The following MYZAP variants were observed in gnomAD, a reference collection of about 807,000 sequenced individuals.
MYZAP encodes myocardial zonula adherens protein.
MYZAP carries 66 observed loss-of-function variants against 69.4 expected under a neutral mutation model. The ratio of observed to expected loss-of-function variants is 0.95; its 90% confidence interval spans 0.78 to 1.17. The LOEUF (loss-of-function observed/expected upper bound fraction) is 1.17, where lower values mean the gene tolerates loss of function less well. Among genes scored for constraint, MYZAP ranks in the 50% most tolerant of loss-of-function variants. The pLI is 0.00. For synonymous variants in MYZAP, 256 were observed against 205.9 expected (o/e 1.24, Z -2.09); for missense variants, 611 against 556.2 (o/e 1.10, Z -0.99).
intron 11 of MYZAP, among the ~76,000 whole-genome samples, chr15:57,662,486 C>T (rs1260555747): frequency 2.0e-5 from 3 of 152,152 alleles, no homozygotes; most frequent in Non-Finnish European, 2.9e-5. Context: ...AGTGTGAACC[C>T]TGGATCTGCT....
chr15:57,677,223 G>A (rs1210492253), intron 12 of MYZAP, among the ~76,000 whole-genome samples: 2 of 152,212 alleles, frequency 1.3e-5, no homozygotes, highest in Admixed American at 6.5e-5. Context: ...CGGCTGGACC[G>A]TGGGACCCTT....
At chr15:57,596,082 G>A (rs532356405) in intron 1 of MYZAP, among the ~76,000 whole-genome samples, 42 of 152,326 alleles carry the variant, frequency 2.8e-4, no homozygotes, top group South Asian at 1.5e-3. Context: ...TTTGATAGAG[G>A]ATGAACAGAC....
intron 1 of MYZAP, 140 bp downstream of exon 1, chr15:57,592,249 T>C: frequency 1.3e-6 from 1 of 768,072 alleles, no homozygotes; most frequent in Non-Finnish European, 1.8e-6. Context: ...CCCGGTCCTG[T>C]GCCGGCTCTG....
intron 11 of MYZAP, among the ~76,000 whole-genome samples, chr15:57,666,812 AT>A (rs1482552481): frequency 2.0e-5 from 3 of 152,132 alleles, no homozygotes; most frequent in Non-Finnish European, 2.9e-5. Flanking sequence ...GTGCCCTCTG[AT>A]TCTAAAATAA....
In MYZAP at chr15:57,677,999, T is replaced by G. The variant is rs572197696; in HGVS notation, c.1304+2931T>G. 3.3e-4 allele frequency among the ~76,000 whole-genome samples: 46 copies of G among 140,618 alleles called. 3 individuals are homozygous for G. In the South Asian group the frequency reaches 9.6e-3, roughly 29 times the overall value. 92.3% of individuals were successfully genotyped at this position (140,618 alleles called of 152,430 possible). A position where few individuals can be genotyped will look rare whatever the true frequency, so the allele number is the denominator to read the frequency against. ...CGGGAGGATCCCTTGAAGCTAGGAGTTCAAGACCAGCCTAAGCCACATAGC... is the reference window on the plus strand; with the variant it reads ...CGGGAGGATCCCTTGAAGCTAGGAGGTCAAGACCAGCCTAAGCCACATAGC... On this transcript the variant is annotated intron_variant, in intron 12 of 12. Coordinates refer to ENST00000267853, the MANE Select transcript of MYZAP (RefSeq NM_001018100.5).
chr15:57,607,067 T>A (rs2034799519), intron 2 of MYZAP, among the ~76,000 whole-genome samples: 1 of 152,220 alleles, frequency 6.6e-6, no homozygotes. Context: ...AATGGCTTGG[T>A]CCAAGACATG....
At chr15:57,616,601 T>A (rs2932202) in intron 2 of MYZAP, among the ~76,000 whole-genome samples, 151,983 of 152,108 alleles carry the variant, frequency 1, 75,929 homozygotes, top group Middle Eastern at 1. Flanking sequence ...GCGCCGCTGC[T>A]CTCCAACCTG....
chr15:57,682,673 G>C (rs2039503202), intron 12 of MYZAP, among the ~76,000 whole-genome samples: 1 of 152,102 alleles, frequency 6.6e-6, no homozygotes, highest in Non-Finnish European at 1.5e-5. Flanking sequence ...GAACTCCTTA[G>C]CCAGGGACAT....
chr15:57,597,145 C>A (rs1174642381), intron 1 of MYZAP, among the ~76,000 whole-genome samples: 1 of 152,166 alleles, frequency 6.6e-6, no homozygotes, highest in Non-Finnish European at 1.5e-5. Flanking sequence ...CATGGGAATG[C>A]TGGCCCAGGT....
At chr15:57,635,172 C>G (rs1419611963) in intron 8 of MYZAP, among the ~76,000 whole-genome samples, 6 of 152,168 alleles carry the variant, frequency 3.9e-5, no homozygotes, top group African/African-American at 1.4e-4. Flanking sequence ...TTTGCACTTA[C>G]TTGGTTTTTC....
intron 1 of MYZAP, among the ~76,000 whole-genome samples, chr15:57,593,082 T>C (rs1595839562): frequency 1.3e-5 from 2 of 151,940 alleles, no homozygotes; most frequent in African/African-American, 4.8e-5. Flanking sequence ...GCTGTCTTTC[T>C]TAGCTCTAGA....
At chr15:57,625,402 C>T (rs1238233566) in intron 4 of MYZAP, among the ~76,000 whole-genome samples, 5 of 152,190 alleles carry the variant, frequency 3.3e-5, no homozygotes, top group Non-Finnish European at 7.3e-5. Flanking sequence ...TCCATGGTGA[C>T]TACAAAGAAC....
intron 2 of MYZAP, among the ~76,000 whole-genome samples, chr15:57,613,827 T>A (rs1244274074): frequency 6.6e-6 from 1 of 152,178 alleles, no homozygotes; most frequent in African/African-American, 2.4e-5. Flanking sequence ...AGGAAATAAA[T>A]ATACATCATC....
At chr15:57,593,627 A>G (rs2033867306) in intron 1 of MYZAP, among the ~76,000 whole-genome samples, 1 of 152,200 alleles carries the variant, frequency 6.6e-6, no homozygotes, top group Non-Finnish European at 1.5e-5. Flanking sequence ...TTATTTAATT[A>G]TAGGTGCTTT....
intron 5 of MYZAP, 121 bp downstream of exon 5, chr15:57,626,013 G>T: frequency 1.2e-6 from 1 of 852,744 alleles, no homozygotes; most frequent in South Asian, 1.5e-5. Context: ...TCTTTAAGCA[G>T]AACCACTGTG....
At chr15:57,633,918 C>A (rs1047651898) in intron 8 of MYZAP, among the ~76,000 whole-genome samples, 177 bp downstream of exon 8, 1 of 151,862 alleles carries the variant, frequency 6.6e-6, no homozygotes. Context: ...CTCATTTTTC[C>A]CATGATAACT....
intron 1 of MYZAP, among the ~76,000 whole-genome samples, chr15:57,594,846 A>T (rs1177066951): frequency 6.6e-6 from 1 of 152,222 alleles, no homozygotes. Context: ...CCAAATAATC[A>T]TTGGAAGTGT....
chr15:57,646,799 T>C (rs1288781641), intron 10 of MYZAP: 1 of 985,380 alleles, frequency 1.0e-6, no homozygotes, highest in East Asian at 1.1e-4. Flanking sequence ...CCATCAGCAT[T>C]TTGCCTGAAT....
At chr15:57,622,715 C>G (rs1055831318) in intron 4 of MYZAP, among the ~76,000 whole-genome samples, 3 of 151,992 alleles carry the variant, frequency 2.0e-5, no homozygotes, top group Non-Finnish European at 2.9e-5. Context: ...CCTAAAGTAT[C>G]AAAGATTTAA....
Sources: allele counts gnomAD v4.1 joint callset (sites outside exome capture counted in the v4.1 genomes callset), GRCh38; gene constraint gnomAD v4.1.1; transcripts MANE v1.5; gene names NCBI Gene and HGNC (gene_info 2026-07-23, HGNC 2026-07-21).